The following IARS1 variants were observed in gnomAD, a reference collection of about 807,000 sequenced individuals.
The protein encoded by IARS1 is isoleucine--tRNA ligase, cytoplasmic.
IARS1 carries 124 observed loss-of-function variants against 168.2 expected under a neutral mutation model. That is an observed-to-expected ratio of 0.74 (90% CI 0.64 to 0.86). The LOEUF (loss-of-function observed/expected upper bound fraction) is 0.86. Among genes scored for constraint, IARS1 ranks in the 40% least tolerant of loss-of-function variants. IARS1 has a pLI of 0.00. For missense variants in IARS1, 1,452 were observed against 1,515.8 expected, an observed-to-expected ratio of 0.96 and a Z score of 0.70; for synonymous variants, 532 against 529.4, an observed-to-expected ratio of 1.00 and a Z score of -0.07.
At position 92,222,673 on chromosome 9, in the gene IARS1, CTG is replaced by C. The variant is rs1839840057; in HGVS notation, c.3554-3_3554-2del. The stretch of plus-strand genomic sequence containing the variant: ...GTGCCCACTGTCCCCATTAAACACT[CTG>C]TGGAAGACAGAACAAACTGGATTAA... On this transcript the variant is annotated splice_acceptor_variant and splice_polypyrimidine_tract_variant and intron_variant, in intron 32 of 33. Transcript: ENST00000443024. LOFTEE classifies it high-confidence loss of function. The C allele has an allele frequency of 2.5e-6, 4 of 1,613,584 alleles. No homozygotes were observed. The African/African-American group carries it at 4.0e-5, about 16-fold the overall frequency.
At chr9:92,239,337 A>G (rs1383006350) in intron 30 of IARS1, among the ~76,000 whole-genome samples, 1 of 152,182 alleles carries the variant, frequency 6.6e-6, no homozygotes, top group East Asian at 1.9e-4. Context: ...GGTAGACAAT[A>G]CTTATCTTTC....
chr9:92,228,935 C>G, intron 31 of IARS1, 66 bp downstream of exon 31: 2 of 1,589,836 alleles, frequency 1.3e-6, no homozygotes, highest in Non-Finnish European at 1.7e-6. Flanking sequence ...CAACTGACAG[C>G]AAATTAAGAC....
At position 92,210,738 on chromosome 9, in the gene IARS1, T is replaced by A; in HGVS notation, c.*69A>T. The A allele has an allele frequency of 1.2e-6, 1 of 859,946 alleles. No homozygotes were observed. The highest frequency in any genetic ancestry group is 1.7e-5 in the African/African-American group (1 of 60,588). 53.3% of individuals were successfully genotyped at this position (859,946 alleles called of 1,614,324 possible). ...TTCAGTGTGTTCATGTGTGTGTCTA[T>A]GTGCATGTATGTGTAGGGGATAGGT... On this transcript the variant is annotated 3_prime_UTR_variant, in exon 34 of 34. Coordinates refer to ENST00000443024, the MANE Select transcript of IARS1 (RefSeq NM_002161.6).
chr9:92,234,327 G>T (rs1317838258), intron 30 of IARS1, among the ~76,000 whole-genome samples: 1 of 152,174 alleles, frequency 6.6e-6, no homozygotes, highest in Non-Finnish European at 1.5e-5. Flanking sequence ...GATTTGTATG[G>T]TTTTTTCCCT....
At chr9:92,238,724 GTCTTT>G (rs1240407108) in intron 30 of IARS1, among the ~76,000 whole-genome samples, 2 of 152,094 alleles carry the variant, frequency 1.3e-5, no homozygotes, top group East Asian at 1.9e-4. Context: ...CTGTGGTATA[GTCTTT>G]TCTTAGTGGT....
chr9:92,240,830 AC>A (rs1401186766), intron 30 of IARS1, 25 bp downstream of exon 30: 5 of 1,449,502 alleles, frequency 3.4e-6, no homozygotes, highest in Non-Finnish European at 4.8e-6. Flanking sequence ...AAAAAAAGTC[AC>A]ACAAATCATG....
At chr9:92,262,862 A>G (rs1831720372) in intron 17 of IARS1, 107 bp downstream of exon 17, 1 of 756,044 alleles carries the variant, frequency 1.3e-6, no homozygotes, top group Non-Finnish European at 2.3e-6. Flanking sequence ...AACAGTGGAG[A>G]CAAAGCTCCA....
At position 92,287,888 on chromosome 9, in the gene IARS1, A is replaced by C; in HGVS notation, c.299T>G (p.Leu100Arg). The change falls in exon 4 of 34, where the codon CTG becomes CGG. Residue 100 changes from leucine (L) to arginine (R), a missense_variant. Leu to Arg is a moderately radical substitution (Grantham distance 102). Coordinates refer to ENST00000443024, the MANE Select transcript of IARS1 (RefSeq NM_002161.6). Reference sequence around the variant, plus strand: ...CACATCCTCTGGTCCTCTGATTCCCAGTGTCTTATCAATTTCATATTCCTG... The same window carrying C: ...CACATCCTCTGGTCCTCTGATTCCCCGTGTCTTATCAATTTCATATTCCTG... ...LPVEYEIDKT[L>R]GIRGPEDVAK... 1 of 1,613,922 alleles carries C rather than the reference A, an allele frequency of 6.2e-7. No homozygotes were observed. The highest frequency in any genetic ancestry group is 8.5e-7 in the Non-Finnish European group (1 of 1,179,898).
chr9:92,222,767 T>C, intron 32 of IARS1, 95 bp from the exon 33 acceptor site: 2 of 1,316,876 alleles, frequency 1.5e-6, no homozygotes, highest in Non-Finnish European at 2.1e-6. Context: ...CAGGCAGTGC[T>C]GAGGCCAGCA....
At chr9:92,280,672 G>GT in intron 7 of IARS1, 74 bp downstream of exon 7, 1 of 916,754 alleles carries the variant, frequency 1.1e-6, no homozygotes, top group Non-Finnish European at 1.6e-6. Context: ...AAAAAGAAAG[G>GT]TAAGCTTTCA....
intron 17 of IARS1, 150 bp from the exon 18 acceptor site, chr9:92,260,384 G>A (rs925404781): frequency 1.7e-5 from 11 of 652,452 alleles, no homozygotes; most frequent in Middle Eastern, 3.7e-4. Flanking sequence ...GGCCGGGCGC[G>A]GTGGCTCACT....
chr9:92,215,567 A>T (rs1300293277), intron 33 of IARS1, among the ~76,000 whole-genome samples: 4 of 151,180 alleles, frequency 2.6e-5, no homozygotes. Context: ...CAATACAGAG[A>T]AGTGCTTAAA....
chr9:92,278,067 T>G, intron 8 of IARS1, 132 bp downstream of exon 8: 1 of 1,022,424 alleles, frequency 9.8e-7, no homozygotes, highest in Non-Finnish European at 1.5e-6. Context: ...AAGTACTTAG[T>G]ATAGTATTAG....
chr9:92,260,813 T>G (rs1313902908), intron 17 of IARS1, among the ~76,000 whole-genome samples: 1 of 152,192 alleles, frequency 6.6e-6, no homozygotes, highest in African/African-American at 2.4e-5. Flanking sequence ...AAAACTTACA[T>G]TATCATAAAA....
At chr9:92,215,431 T>C (rs1397800060) in intron 33 of IARS1, among the ~76,000 whole-genome samples, 1 of 152,224 alleles carries the variant, frequency 6.6e-6, no homozygotes, top group Non-Finnish European at 1.5e-5. Flanking sequence ...AGAATGACTT[T>C]GACGAGCTGA....
rs544956483 is a variant in IARS1, at chr9:92,265,892, C to A, written c.1432-339G>T. 4.6e-5 allele frequency among the ~76,000 whole-genome samples: 7 copies of A among 152,288 alleles called. No individual in the cohort carries two copies. The South Asian group carries it at 1.0e-3, about 23-fold the overall frequency. ...CAGGCTGGTCTCAAACTCTTGGACT[C>A]GAGCTATCAGCCACCCTCAGCCTCC... On this transcript the variant is annotated intron_variant, in intron 14 of 33. Coordinates refer to ENST00000443024, the MANE Select transcript of IARS1 (RefSeq NM_002161.6).
In IARS1 at chr9:92,287,642, C is replaced by T. The variant is rs565280620; in HGVS notation, c.396+149G>A. On this transcript the variant is annotated intron_variant, in intron 4 of 33. Transcript: ENST00000443024. ...AGAGAGATGGTTCAGTTTAAGCTAA[C>T]CGTTTAAGTAATAGGGTTGAAGGTG... is the stretch of plus-strand genomic sequence containing the variant. The T allele has an allele frequency of 2.1e-5, 16 of 780,244 alleles. No homozygotes were observed. In the South Asian group the frequency reaches 3.4e-4, roughly 16 times the overall value. The allele number at this position is 780,244 out of a possible 1,614,324, so 48.3% of individuals were successfully genotyped here. A position where few individuals can be genotyped will look rare whatever the true frequency, so the allele number is the denominator to read the frequency against.
chr9:92,246,027 C>T (rs542267186), intron 26 of IARS1, among the ~76,000 whole-genome samples: 4 of 152,242 alleles, frequency 2.6e-5, no homozygotes, highest in South Asian at 4.1e-4. Context: ...CTGCCCGCCT[C>T]GGCCTCCCAA....
chr9:92,229,358 TACACACACAC>T (rs113517739), intron 30 of IARS1, among the ~76,000 whole-genome samples: 8 of 144,830 alleles, frequency 5.5e-5, no homozygotes, highest in Admixed American at 1.4e-4. Flanking sequence ...ATATATACAC[TACACACACAC>T]ACACACACAC....
Sources: allele counts gnomAD v4.1 joint callset (sites outside exome capture counted in the v4.1 genomes callset), GRCh38; gene constraint gnomAD v4.1.1; transcripts MANE v1.5; gene names NCBI Gene and HGNC (gene_info 2026-07-23, HGNC 2026-07-21).